The following SNX1 variants were observed in gnomAD, a reference collection of about 807,000 sequenced individuals.
The protein encoded by SNX1 is sorting nexin 1.
A neutral mutation model predicts 71.8 loss-of-function variants in SNX1; 36 were observed. The observed-to-expected ratio is 0.50, with a 90% CI of 0.38 to 0.66. The LOEUF (loss-of-function observed/expected upper bound fraction) is 0.66, where lower values mean the gene tolerates loss of function less well. SNX1 is among the 30% of genes least tolerant of loss of function. SNX1 has a pLI of 0.00. For missense variants in SNX1, 612 were observed against 646.7 expected (o/e 0.95, Z 0.58); for synonymous variants, 254 against 240.7 (o/e 1.06, Z -0.51).
chr15:64,123,002 C>T (rs2140149318), intron 4 of SNX1, among the ~76,000 whole-genome samples: 1 of 152,188 alleles, frequency 6.6e-6, no homozygotes, highest in African/African-American at 2.4e-5. Flanking sequence ...CCCCCGGCAC[C>T]AATGGAGGGG....
At chr15:64,135,908 C>T (rs192473733) in intron 12 of SNX1, among the ~76,000 whole-genome samples, 5 of 140,410 alleles carry the variant, frequency 3.6e-5, no homozygotes, top group Admixed American at 2.2e-4. Flanking sequence ...GATGACAGAG[C>T]GAGACTCCAT....
In SNX1 at chr15:64,118,105, A is replaced by C. The variant is rs772459086; in HGVS notation, c.272-12A>C. 1.2e-5 allele frequency: 19 copies of C among 1,609,980 alleles called. No homozygotes were observed. The Middle Eastern group carries it at 1.2e-3, about 99-fold the overall frequency. ...TACTGACCTTCATTTTAAAATATCA[A>C]CTTCATTTTAGATGCCACAGTGGAG... is the stretch of plus-strand genomic sequence containing the variant. On this transcript the variant is annotated splice_polypyrimidine_tract_variant and intron_variant, in intron 2 of 14. Transcript: ENST00000559844.
intron 11 of SNX1, among the ~76,000 whole-genome samples, chr15:64,133,700 A>G (rs1038961119): frequency 4.6e-5 from 7 of 152,214 alleles, no homozygotes; most frequent in Non-Finnish European, 8.8e-5. Flanking sequence ...GCGCCATTGC[A>G]CTCCAGCCTG....
intron 2 of SNX1, among the ~76,000 whole-genome samples, chr15:64,113,126 T>A (rs2081094157): frequency 6.6e-6 from 1 of 152,200 alleles, no homozygotes; most frequent in African/African-American, 2.4e-5. Context: ...CCTTACTACT[T>A]CTAATACAGC....
intron 1 of SNX1, among the ~76,000 whole-genome samples, chr15:64,110,574 AT>A (rs771258397): frequency 2.0e-5 from 3 of 149,908 alleles, no homozygotes; most frequent in South Asian, 2.1e-4. Flanking sequence ...TTTAAAAAAA[AT>A]TTTTTTTTTA....
intron 5 of SNX1, among the ~76,000 whole-genome samples, chr15:64,124,750 A>G (rs559140090): frequency 6.6e-6 from 1 of 152,178 alleles, no homozygotes; most frequent in Non-Finnish European, 1.5e-5. Context: ...ACCAGGAGTA[A>G]TTCCCGTGGG....
At chr15:64,100,707 G>A (rs774939823) in intron 1 of SNX1, among the ~76,000 whole-genome samples, 2 of 151,810 alleles carry the variant, frequency 1.3e-5, no homozygotes, top group East Asian at 1.9e-4. Context: ...TGTAAGTTAT[G>A]TATTAACATT....
intron 1 of SNX1, among the ~76,000 whole-genome samples, chr15:64,111,799 A>G (rs1300590578): frequency 3.3e-5 from 5 of 152,160 alleles, no homozygotes; most frequent in Admixed American, 1.3e-4. Flanking sequence ...GTGCCATACC[A>G]TGGCTTTCGA....
At chr15:64,104,279 T>TG (rs1390755940) in intron 1 of SNX1, among the ~76,000 whole-genome samples, 5 of 150,260 alleles carry the variant, frequency 3.3e-5, no homozygotes, top group Non-Finnish European at 4.4e-5. Context: ...AGGGTTTTTT[T>TG]TTTTTTTTTT....
chr15:64,107,862 G>T (rs1215556216), intron 1 of SNX1, among the ~76,000 whole-genome samples: 7 of 152,136 alleles, frequency 4.6e-5, no homozygotes, highest in Admixed American at 2.6e-4. Flanking sequence ...CAGGTGAATA[G>T]TTATGTGACT....
chr15:64,096,499 A>G, intron 1 of SNX1, among the ~76,000 whole-genome samples: 1 of 152,240 alleles, frequency 6.6e-6, no homozygotes, highest in East Asian at 1.9e-4. Context: ...TGTCCTGCCA[A>G]GGCAGATTCA....
At chr15:64,102,301 C>A (rs538081878) in intron 1 of SNX1, among the ~76,000 whole-genome samples, 1 of 152,176 alleles carries the variant, frequency 6.6e-6, no homozygotes, top group Non-Finnish European at 1.5e-5. Context: ...TTTTAGGATA[C>A]ACATGGTATT....
chr15:64,115,348 G>C (rs1187636222), intron 2 of SNX1, among the ~76,000 whole-genome samples: 3 of 152,300 alleles, frequency 2.0e-5, no homozygotes, highest in South Asian at 2.1e-4. Flanking sequence ...GACTTCAGTA[G>C]CTTCTCAGTT....
Position 64,134,986 on chromosome 15 carries a change from CCT to C in SNX1, c.1365+180_1365+181del. On this transcript the variant is annotated intron_variant, in intron 12 of 14. Transcript: ENST00000559844. The surrounding 1 kb of genome is among the most constrained non-coding windows in gnomAD (Gnocchi z 4.1). ...CCAGGCCTTCCTGAGGCCTAGTCCC[CCT>C]GTTCTTTTTCTACTCTACGCAGACT... 1 of 722,332 alleles carries C rather than the reference CCT, an allele frequency of 1.4e-6. No individual in the cohort carries two copies. 44.7% of individuals were successfully genotyped at this position (722,332 alleles called of 1,614,324 possible).
chr15:64,123,481 C>T (rs1008343665), intron 4 of SNX1, 22 bp from the exon 5 acceptor site: 9 of 1,608,632 alleles, frequency 5.6e-6, no homozygotes, highest in African/African-American at 1.3e-5. Context: ...AGATAATCTT[C>T]TGCTTTCTTG....
Position 64,141,959 on chromosome 15 carries a change from A to G in SNX1, c.*4341A>G, listed in dbSNP as rs7176549. 0.074 allele frequency: 11,321 copies of G among 152,172 alleles called. 1,322 individuals carry two copies. The highest frequency in any genetic ancestry group is 0.25 in the African/African-American group (10,365 of 41,426). 9.4% of individuals were successfully genotyped at this position (152,172 alleles called of 1,614,324 possible). ...GCCCAGACACTGGGCAGACAATGAA[A>G]CCCTTTGTAACACATGAGGCAATAG... On this transcript the variant is annotated 3_prime_UTR_variant, in exon 15 of 15. Coordinates refer to ENST00000559844, the MANE Select transcript of SNX1 (RefSeq NM_003099.5). This position sits in a 1 kb window ranked among gnomAD's most constrained non-coding sequence, Gnocchi z 5.1.
chr15:64,135,161 A>G (rs1185462115), intron 12 of SNX1, among the ~76,000 whole-genome samples: 1 of 151,906 alleles, frequency 6.6e-6, no homozygotes, highest in African/African-American at 2.4e-5. Flanking sequence ...CTCTGTCAAC[A>G]GGCTGGAGTG....
chr15:64,104,220 T>C (rs1462164384), intron 1 of SNX1, among the ~76,000 whole-genome samples: 2 of 151,540 alleles, frequency 1.3e-5, no homozygotes, highest in Non-Finnish European at 2.9e-5. Context: ...TTCAGAATTA[T>C]GGAGGAAAAG....
chr15:64,118,270 T>A (rs773174003), intron 3 of SNX1, 26 bp downstream of exon 3: 1 of 1,599,044 alleles, frequency 6.3e-7, no homozygotes, highest in Non-Finnish European at 8.5e-7. Flanking sequence ...CTTGGTCTTA[T>A]CGCTTTTAGA....
Sources: allele counts gnomAD v4.1 joint callset (sites outside exome capture counted in the v4.1 genomes callset), GRCh38; gene constraint gnomAD v4.1.1; non-coding constraint Gnocchi (gnomAD v3.1); transcripts MANE v1.5; gene names NCBI Gene and HGNC (gene_info 2026-07-23, HGNC 2026-07-21).